KIAA1958: variants seen among roughly 807,000 people sequenced by gnomAD.
KIAA1958 encodes the protein uncharacterized protein KIAA1958.
A neutral mutation model predicts 47.2 loss-of-function variants in KIAA1958; 14 were observed. The observed-to-expected ratio is 0.30, with a 90% CI of 0.20 to 0.46. KIAA1958 has a LOEUF of 0.46. Among genes scored for constraint, KIAA1958 ranks in the 20% least tolerant of loss-of-function variants. The pLI, the probability that KIAA1958 is intolerant of heterozygous loss-of-function variation, is 1.00. For missense variants in KIAA1958, 803 were observed against 909.2 expected, an observed-to-expected ratio of 0.88 and a Z score of 1.50; for synonymous variants, 354 against 353.3, an observed-to-expected ratio of 1.00 and a Z score of -0.02.
intron 2 of KIAA1958, among the ~76,000 whole-genome samples, chr9:112,621,018 G>A (rs1459928633): frequency 6.6e-6 from 1 of 152,068 alleles, no homozygotes; most frequent in East Asian, 1.9e-4. Flanking sequence ...AGTCAATTAG[G>A]TCATAGCTAA....
intron 1 of KIAA1958, among the ~76,000 whole-genome samples, chr9:112,549,055 G>A (rs1319021580): frequency 6.6e-6 from 1 of 152,200 alleles, no homozygotes; most frequent in African/African-American, 2.4e-5. Flanking sequence ...TGTTGCTTAA[G>A]GAATCCTGTC....
intron 3 of KIAA1958, among the ~76,000 whole-genome samples, chr9:112,651,323 T>G (rs1837051468): frequency 6.6e-6 from 1 of 151,442 alleles, no homozygotes; most frequent in African/African-American, 2.4e-5. Flanking sequence ...TAGAATATGT[T>G]CTCTGTCCAC....
chr9:112,616,391 C>G (rs1265008180), intron 2 of KIAA1958, among the ~76,000 whole-genome samples: 1 of 152,094 alleles, frequency 6.6e-6, no homozygotes, highest in Non-Finnish European at 1.5e-5. Flanking sequence ...CATGGCTATT[C>G]ATATATATGT....
chr9:112,583,517 T>A (rs1835769446), intron 2 of KIAA1958, among the ~76,000 whole-genome samples: 1 of 152,190 alleles, frequency 6.6e-6, no homozygotes, highest in South Asian at 2.1e-4. Flanking sequence ...AGGAGATATG[T>A]ACAGGGGTCT....
chr9:112,559,731 A>G (rs1835295546), intron 1 of KIAA1958, among the ~76,000 whole-genome samples: 1 of 152,218 alleles, frequency 6.6e-6, no homozygotes, highest in Non-Finnish European at 1.5e-5. Flanking sequence ...AGGCTATGTT[A>G]AAGGCAATTA....
chr9:112,583,292 T>C (rs946298344), intron 2 of KIAA1958, among the ~76,000 whole-genome samples: 1 of 152,216 alleles, frequency 6.6e-6, no homozygotes, highest in Admixed American at 6.5e-5. Flanking sequence ...AACAAGATAC[T>C]ATCTTACTCC....
chr9:112,593,584 T>C (rs761886436), intron 2 of KIAA1958, among the ~76,000 whole-genome samples: 1 of 152,340 alleles, frequency 6.6e-6, no homozygotes, highest in East Asian at 1.9e-4. Context: ...GTTTTTGTTT[T>C]GTTTTGTTTT....
At chr9:112,579,833 A>C (rs1382858622) in intron 2 of KIAA1958, among the ~76,000 whole-genome samples, 1 of 152,210 alleles carries the variant, frequency 6.6e-6, no homozygotes, top group Non-Finnish European at 1.5e-5. Flanking sequence ...TTCTCTTGTC[A>C]GAAGCAAAAA....
chr9:112,659,626 C>A lies in KIAA1958; in HGVS notation c.1708C>A (p.Arg570=). The change falls in exon 4 of 4, where the codon CGG becomes AGG. Residue 570 remains arginine (R), a synonymous_variant. Coordinates refer to ENST00000337530, the MANE Select transcript of KIAA1958 (RefSeq NM_133465.4). ...GTACAACAGCCAGTACCTGAACATG[C>A]GGACGCTGCAGGAGCATGCGGATCT... ...VKYNSQYLNM[R]TLQEHADLMY... The A allele has an allele frequency of 1.2e-6, 2 of 1,613,940 alleles. No individual in the cohort carries two copies. The highest frequency in any genetic ancestry group is 1.7e-6 in the Non-Finnish European group (2 of 1,179,884).
chr9:112,625,214 C>T (rs114867904), intron 2 of KIAA1958, among the ~76,000 whole-genome samples: 1,671 of 152,274 alleles, frequency 0.011, 33 homozygotes, highest in African/African-American at 0.038. Context: ...AATCAAGACT[C>T]ACTGCAGTGG....
chr9:112,654,239 T>TA (rs1309984203), intron 3 of KIAA1958, among the ~76,000 whole-genome samples: 5 of 152,154 alleles, frequency 3.3e-5, no homozygotes, highest in Non-Finnish European at 1.5e-5. Flanking sequence ...AGCACTAACA[T>TA]AAAAAATAAG....
At chr9:112,522,392 A>C (rs1026094298) in intron 1 of KIAA1958, among the ~76,000 whole-genome samples, 1 of 152,202 alleles carries the variant, frequency 6.6e-6, no homozygotes, top group African/African-American at 2.4e-5. Context: ...AGCAATAGTC[A>C]CCCAGGTTTC....
chr9:112,531,009 C>T (rs1834742366), intron 1 of KIAA1958, among the ~76,000 whole-genome samples: 1 of 152,170 alleles, frequency 6.6e-6, no homozygotes, highest in South Asian at 2.1e-4. Context: ...GATGAAATGA[C>T]ATATAGCATG....
intron 1 of KIAA1958, among the ~76,000 whole-genome samples, chr9:112,540,720 TG>T (rs1271287724): frequency 1.3e-5 from 2 of 151,654 alleles, no homozygotes; most frequent in Non-Finnish European, 2.9e-5. Flanking sequence ...CTTTCCTTTT[TG>T]TTTTTTTTTT....
intron 1 of KIAA1958, among the ~76,000 whole-genome samples, chr9:112,510,290 T>C (rs1476583567): frequency 2.0e-5 from 3 of 152,168 alleles, no homozygotes; most frequent in African/African-American, 7.2e-5. Context: ...TCAGATGTCA[T>C]AGTGAGCATG....
chr9:112,551,857 TTAAAA>T (rs1309510308), intron 1 of KIAA1958, among the ~76,000 whole-genome samples: 1 of 152,222 alleles, frequency 6.6e-6, no homozygotes, highest in Non-Finnish European at 1.5e-5. Context: ...CGTTCCTTTG[TTAAAA>T]TGGCTTTGCA....
At chr9:112,522,298 G>A (rs1419332564) in intron 1 of KIAA1958, among the ~76,000 whole-genome samples, 1 of 152,186 alleles carries the variant, frequency 6.6e-6, no homozygotes, top group Non-Finnish European at 1.5e-5. Flanking sequence ...CTAAGAAACT[G>A]TAGACCACCT....
At chr9:112,572,209 A>C (rs144507288) in intron 1 of KIAA1958, among the ~76,000 whole-genome samples, 94 of 152,328 alleles carry the variant, frequency 6.2e-4, no homozygotes, top group African/African-American at 2.2e-3. Context: ...AAAACTGTCT[A>C]ATCCCTTGAA....
chr9:112,605,546 T>C (rs1254230413), intron 2 of KIAA1958, among the ~76,000 whole-genome samples: 2 of 152,200 alleles, frequency 1.3e-5, no homozygotes, highest in African/African-American at 4.8e-5. Context: ...TGGGTAGGTT[T>C]GTATCATAAC....
Sources: gnomAD v4.1 joint callset for allele counts (sites outside exome capture counted in the v4.1 genomes callset) on GRCh38, gnomAD v4.1.1 for gene constraint, MANE v1.5 for transcripts, NCBI Gene and HGNC (gene_info 2026-07-23, HGNC 2026-07-21) for gene names.